Variants in CLSTN2 observed in about 807,000 individuals in gnomAD.
CLSTN2 encodes calsyntenin 2.
Under a neutral mutation model 101.2 loss-of-function variants are expected in CLSTN2, and 48 were observed. The ratio of observed to expected loss-of-function variants is 0.47; its 90% CI spans 0.38 to 0.60. CLSTN2 has a LOEUF of 0.60. CLSTN2 is among the 20% of genes least tolerant of loss of function. The pLI, the probability that CLSTN2 is intolerant of heterozygous loss-of-function variation, is 0.00. For synonymous variants in CLSTN2, 481 were observed against 463.6 expected, an observed-to-expected ratio of 1.04 and a Z score of -0.48; for missense variants, 1,160 against 1,238.2, an observed-to-expected ratio of 0.94 and a Z score of 0.95.
intron 8 of CLSTN2, among the ~76,000 whole-genome samples, chr3:140,493,722 C>T (rs1458326836): frequency 1.3e-5 from 2 of 152,190 alleles, no homozygotes; most frequent in African/African-American, 2.4e-5. Flanking sequence ...CGAGCTTTGC[C>T]TACATTTACT....
intron 9 of CLSTN2, among the ~76,000 whole-genome samples, chr3:140,542,637 A>C (rs76552112): frequency 0.012 from 1,849 of 152,266 alleles, 46 homozygotes; most frequent in African/African-American, 0.042. Context: ...CTGTTGAAAA[A>C]TGCTCATTGA....
chr3:139,959,747 C>CT (rs1343242330), intron 1 of CLSTN2, among the ~76,000 whole-genome samples: 3 of 152,070 alleles, frequency 2.0e-5, no homozygotes, highest in Non-Finnish European at 4.4e-5. Context: ...CCCCGCCCCC[C>CT]TTTTTTTACT....
Position 140,570,411 on chromosome 3 carries a change from T to G in CLSTN2, c.*4158T>G, listed in dbSNP as rs1241521569. On this transcript the variant is annotated 3_prime_UTR_variant, in exon 17 of 17. Coordinates refer to ENST00000458420, the MANE Select transcript of CLSTN2 (RefSeq NM_022131.3). ...GTATTATAAGTAACCTAGAGATGAT[T>G]TGAAGAACACAGGAAGTTGTGCATA... 6.6e-6 allele frequency: 1 copy of G among 152,230 alleles called. No individual in the cohort carries two copies. Among genetic ancestry groups the G allele is most frequent in the East Asian group, 1.9e-4 (1 of 5,200 alleles). The allele number at this position is 152,230 out of a possible 1,614,324, so 9.4% of individuals were successfully genotyped here.
intron 2 of CLSTN2, among the ~76,000 whole-genome samples, chr3:140,384,711 G>A (rs2088031667): frequency 6.6e-6 from 1 of 152,166 alleles, no homozygotes; most frequent in African/African-American, 2.4e-5. Context: ...TCCAAGAATT[G>A]ACAGAACAGT....
chr3:140,071,832 A>AAAATGAATAAAT (rs2008401349), intron 1 of CLSTN2, among the ~76,000 whole-genome samples: 2 of 149,740 alleles, frequency 1.3e-5, no homozygotes, highest in Non-Finnish European at 3.0e-5. Flanking sequence ...CTCCGTCTAA[A>AAAATGAATAAAT]AAATAAATAA....
At chr3:140,236,420 A>T (rs545549400) in intron 2 of CLSTN2, among the ~76,000 whole-genome samples, 1 of 152,246 alleles carries the variant, frequency 6.6e-6, no homozygotes, top group South Asian at 2.1e-4. Flanking sequence ...GTCACTCTCT[A>T]ATATTGGTTT....
intron 8 of CLSTN2, among the ~76,000 whole-genome samples, chr3:140,490,532 C>T (rs529846774): frequency 2.0e-5 from 3 of 149,112 alleles, no homozygotes; most frequent in African/African-American, 7.4e-5. Flanking sequence ...ACACATCGGG[C>T]TGCAGTGAGC....
intron 8 of CLSTN2, among the ~76,000 whole-genome samples, chr3:140,474,845 C>A (rs917564217): frequency 2.0e-5 from 3 of 152,110 alleles, no homozygotes; most frequent in Non-Finnish European, 4.4e-5. Flanking sequence ...AGTGTTATCA[C>A]CCCTAGGAGC....
At chr3:140,508,893 G>T (rs1934739603) in intron 8 of CLSTN2, 2 of 152,144 alleles carry the variant, frequency 1.3e-5, no homozygotes, top group African/African-American at 4.8e-5. Context: ...CTAAGAGAGG[G>T]TTTTGCTTTT....
At chr3:140,077,951 T>A (rs2008520465) in intron 1 of CLSTN2, among the ~76,000 whole-genome samples, 1 of 152,186 alleles carries the variant, frequency 6.6e-6, no homozygotes, top group Admixed American at 6.5e-5. Flanking sequence ...TCAAGGGAAG[T>A]TGTAGGAACT....
chr3:139,987,303 A>C (rs1252205246), intron 1 of CLSTN2, among the ~76,000 whole-genome samples: 1 of 152,210 alleles, frequency 6.6e-6, no homozygotes, highest in East Asian at 1.9e-4. Context: ...TGCATTCAGT[A>C]ATTAAAGTCA....
intron 1 of CLSTN2, among the ~76,000 whole-genome samples, chr3:140,032,696 C>T (rs989391135): frequency 4.6e-5 from 7 of 152,194 alleles, no homozygotes; most frequent in African/African-American, 1.7e-4. Flanking sequence ...TATGTGCATG[C>T]CTTCCTGCCA....
intron 4 of CLSTN2, among the ~76,000 whole-genome samples, chr3:140,420,558 GTCT>G (rs1448059126): frequency 6.6e-6 from 1 of 152,156 alleles, no homozygotes. Flanking sequence ...GAAGAAAAAT[GTCT>G]TCTTCGGGGC....
chr3:140,154,641 CTT>C (rs35699283), intron 1 of CLSTN2, among the ~76,000 whole-genome samples: 3 of 92,864 alleles, frequency 3.2e-5, no homozygotes, highest in Admixed American at 1.6e-4. Context: ...AAGTATCACC[CTT>C]TTTTTTTTTT....
chr3:140,428,678 A>G (rs947103474), intron 5 of CLSTN2, among the ~76,000 whole-genome samples: 2 of 152,204 alleles, frequency 1.3e-5, no homozygotes, highest in Non-Finnish European at 2.9e-5. Context: ...CCACAGGCCA[A>G]CTGATTTCGG....
At chr3:140,102,842 A>G (rs191106932) in intron 1 of CLSTN2, among the ~76,000 whole-genome samples, 2 of 152,286 alleles carry the variant, frequency 1.3e-5, no homozygotes, top group East Asian at 1.9e-4. Context: ...AAGAGGTCCA[A>G]TACTCCAGGC....
Position 140,566,138 on chromosome 3 carries a change from G to C in CLSTN2, c.2753G>C (p.Gly918Ala), listed in dbSNP as rs770603742. The C allele has an allele frequency of 6.2e-7, 1 of 1,611,650 alleles. No homozygotes were observed. Among genetic ancestry groups the C allele is most frequent in the Non-Finnish European group, 8.5e-7 (1 of 1,177,942 alleles). ...EAEEEMSSSS[G>A]SDDSEEEEEE... ...GAGGAAGAAATGAGCTCCAGCAGTG[G>C]CTCTGACGACAGCGAAGAGGAGGAG... The change falls in exon 17 of 17, where the codon GGC becomes GCC. Residue 918 changes from glycine (G) to alanine (A), a missense_variant. Coordinates refer to ENST00000458420, the MANE Select transcript of CLSTN2 (RefSeq NM_022131.3).
At position 140,241,858 on chromosome 3, in the gene CLSTN2, CAT is replaced by C. The variant is rs1483868094; in HGVS notation, c.232+65793_232+65794del. On this transcript the variant is annotated intron_variant, in intron 2 of 16. Transcript: ENST00000458420. The stretch of plus-strand genomic sequence containing the variant: ...ATATATATATACATATATATATACA[CAT>C]ATATATACACATATATATATACACA... Among the ~76,000 whole-genome samples, 28 of 136,030 alleles carry C rather than the reference CAT, an allele frequency of 2.1e-4. No individual in the cohort carries two copies. In the East Asian group the frequency reaches 2.6e-3, roughly 13 times the overall value. The allele number at this position is 136,030 out of a possible 152,430, so 89.2% of individuals were successfully genotyped here. A position where few individuals can be genotyped will look rare whatever the true frequency, so the allele number is the denominator to read the frequency against.
intron 1 of CLSTN2, among the ~76,000 whole-genome samples, chr3:140,078,103 C>T (rs1235726036): frequency 6.6e-6 from 1 of 152,162 alleles, no homozygotes; most frequent in African/African-American, 2.4e-5. Flanking sequence ...CATTTGGAGG[C>T]TCCCTCTAGC....
Sources: allele counts gnomAD v4.1 joint callset (sites outside exome capture counted in the v4.1 genomes callset), GRCh38; gene constraint gnomAD v4.1.1; transcripts MANE v1.5; gene names NCBI Gene and HGNC (gene_info 2026-07-23, HGNC 2026-07-21).